DLGAP1: variants seen among roughly 807,000 people sequenced by gnomAD.
DLGAP1 encodes DLG associated protein 1, also known as disks large-associated protein 1.
In DLGAP1, 11 loss-of-function variants were observed where a neutral mutation model predicts 90.8. The ratio of observed to expected loss-of-function variants is 0.12; its 90% CI spans 0.08 to 0.20. The LOEUF (loss-of-function observed/expected upper bound fraction) is 0.20, where lower values mean the gene tolerates loss of function less well. Ranked by LOEUF, DLGAP1 falls within the 10% of genes least tolerant of loss-of-function variation. The pLI, the probability that DLGAP1 is intolerant of heterozygous loss-of-function variation, is 1.00. For missense variants in DLGAP1, 1,050 were observed against 1,333.8 expected, an observed-to-expected ratio of 0.79 and a Z score of 3.31; for synonymous variants, 558 against 540.7, an observed-to-expected ratio of 1.03 and a Z score of -0.44.
intron 2 of DLGAP1, among the ~76,000 whole-genome samples, chr18:4,034,189 C>G (rs2149135237): frequency 6.6e-6 from 1 of 151,558 alleles, no homozygotes; most frequent in South Asian, 2.1e-4. Flanking sequence ...TTACAAGCGC[C>G]CACCACCACG....
At position 4,015,700 on chromosome 18, in the gene DLGAP1, G is replaced by T. The variant is rs572569807; in HGVS notation, c.-158-10499C>A. The stretch of plus-strand genomic sequence containing the variant: ...TCAGGAAAATCTTTGCTTCACTGAA[G>T]AATTTTATTCTTTCAGGACAAAATA... On this transcript the variant is annotated intron_variant, in intron 2 of 12. Transcript: ENST00000315677. Among the ~76,000 whole-genome samples, 12 of 152,292 alleles carry T rather than the reference G, an allele frequency of 7.9e-5. No individual in the cohort carries two copies. The East Asian group carries it at 2.1e-3, about 27-fold the overall frequency.
At chr18:4,055,617 C>A (rs189968575) in intron 2 of DLGAP1, among the ~76,000 whole-genome samples, 1 of 152,202 alleles carries the variant, frequency 6.6e-6, no homozygotes, top group South Asian at 2.1e-4. Flanking sequence ...GAGACTTCTG[C>A]TTACATTTTA....
At chr18:4,435,054 T>C (rs1418178146) in intron 1 of DLGAP1, among the ~76,000 whole-genome samples, 1 of 152,202 alleles carries the variant, frequency 6.6e-6, no homozygotes, top group African/African-American at 2.4e-5. Context: ...CATGAAATGA[T>C]TTAATTTGGG....
intron 4 of DLGAP1, among the ~76,000 whole-genome samples, chr18:3,824,253 T>G (rs1449164626): frequency 1.3e-5 from 2 of 152,174 alleles, no homozygotes; most frequent in Non-Finnish European, 2.9e-5. Flanking sequence ...GAATTTTGTG[T>G]CTGGTGTTCA....
chr18:4,078,699 G>C (rs913746758), intron 2 of DLGAP1, among the ~76,000 whole-genome samples: 1 of 152,100 alleles, frequency 6.6e-6, no homozygotes, highest in Non-Finnish European at 1.5e-5. Flanking sequence ...AACTTTACAC[G>C]ATCTGGAAAC....
At chr18:4,096,557 T>C (rs1013398347) in intron 2 of DLGAP1, among the ~76,000 whole-genome samples, 6 of 152,102 alleles carry the variant, frequency 3.9e-5, no homozygotes, top group African/African-American at 1.4e-4. Flanking sequence ...TTTTCATAGG[T>C]TTCATTTATC....
chr18:3,625,833 T>C (rs1271853037), intron 7 of DLGAP1, among the ~76,000 whole-genome samples: 2 of 152,236 alleles, frequency 1.3e-5, no homozygotes, highest in Admixed American at 6.5e-5. Flanking sequence ...CACAAATTCC[T>C]TGAACTACCA....
At chr18:3,975,075 T>G (rs1171900526) in intron 3 of DLGAP1, among the ~76,000 whole-genome samples, 1 of 152,064 alleles carries the variant, frequency 6.6e-6, no homozygotes, top group Admixed American at 6.5e-5. Flanking sequence ...AGAGTTTCAG[T>G]TTTGCAAGAT....
At chr18:3,694,710 T>C (rs561379975) in intron 7 of DLGAP1, among the ~76,000 whole-genome samples, 2 of 152,346 alleles carry the variant, frequency 1.3e-5, no homozygotes, top group African/African-American at 4.8e-5. Context: ...GCACATCCTT[T>C]GCCCACTTTT....
At chr18:3,861,058 T>G (rs560687935) in intron 4 of DLGAP1, among the ~76,000 whole-genome samples, 23 of 152,342 alleles carry the variant, frequency 1.5e-4, no homozygotes, top group African/African-American at 5.3e-4. Flanking sequence ...ATAAACTTTT[T>G]CAGAGTAGGA....
chr18:3,569,797 C>T (rs1273393446), intron 8 of DLGAP1, among the ~76,000 whole-genome samples: 1 of 151,944 alleles, frequency 6.6e-6, no homozygotes, highest in Non-Finnish European at 1.5e-5. Flanking sequence ...CCAAACTTTA[C>T]TCACATATAT....
chr18:3,821,288 C>CAAAAA (rs56279066), intron 4 of DLGAP1, among the ~76,000 whole-genome samples: 7 of 72,706 alleles, frequency 9.6e-5, no homozygotes, highest in Non-Finnish European at 1.0e-4. Flanking sequence ...GACTCTGTGT[C>CAAAAA]AAAAAAAAAA....
chr18:4,219,910 G>A (rs1192418572), intron 1 of DLGAP1, among the ~76,000 whole-genome samples: 1 of 152,070 alleles, frequency 6.6e-6, no homozygotes, highest in Non-Finnish European at 1.5e-5. Flanking sequence ...AAGTCAGGTA[G>A]TGTGATTCCT....
At chr18:4,425,485 T>C (rs1004905762) in intron 1 of DLGAP1, among the ~76,000 whole-genome samples, 3 of 152,190 alleles carry the variant, frequency 2.0e-5, no homozygotes, top group Non-Finnish European at 2.9e-5. Context: ...CAAATGGAAC[T>C]GAATCTGTGC....
At chr18:3,748,189 G>T (rs1479212300) in intron 5 of DLGAP1, among the ~76,000 whole-genome samples, 1 of 152,174 alleles carries the variant, frequency 6.6e-6, no homozygotes, top group East Asian at 1.9e-4. Context: ...GGGCTGGGAG[G>T]TCCCATTCAT....
At chr18:3,733,339 C>A (rs1033881209) in intron 6 of DLGAP1, among the ~76,000 whole-genome samples, 13 of 152,266 alleles carry the variant, frequency 8.5e-5, no homozygotes, top group South Asian at 4.1e-4. Context: ...TATGATGATA[C>A]AAGATTGATA....
intron 3 of DLGAP1, among the ~76,000 whole-genome samples, chr18:3,960,287 C>T (rs900195180): frequency 7.9e-5 from 12 of 152,330 alleles, no homozygotes; most frequent in Non-Finnish European, 1.3e-4. Flanking sequence ...TCTGCTAGGT[C>T]TCTTCTTGTG....
chr18:4,258,010 T>TGCGC (rs57523543), intron 1 of DLGAP1, among the ~76,000 whole-genome samples: 36 of 137,110 alleles, frequency 2.6e-4, no homozygotes, highest in African/African-American at 9.3e-4. Context: ...TGTGTGTGTG[T>TGCGC]GCGCGCGCGC....
At chr18:3,856,718 G>C (rs942289453) in intron 4 of DLGAP1, among the ~76,000 whole-genome samples, 18 of 151,928 alleles carry the variant, frequency 1.2e-4, no homozygotes, top group Non-Finnish European at 2.2e-4. Context: ...AAAATTAGCC[G>C]GGTGTGGTGG....
Sources: gnomAD v4.1 joint callset for allele counts (sites outside exome capture counted in the v4.1 genomes callset) on GRCh38, gnomAD v4.1.1 for gene constraint, MANE v1.5 for transcripts, NCBI Gene and HGNC (gene_info 2026-07-23, HGNC 2026-07-21) for gene names.